Variants in PCDH9 observed in about 807,000 individuals in gnomAD.
PCDH9 encodes the protein protocadherin-9.
A neutral mutation model predicts 70.6 loss-of-function variants in PCDH9; 24 were observed. That is an observed-to-expected ratio of 0.34 (90% CI 0.25 to 0.48). The LOEUF (loss-of-function observed/expected upper bound fraction) is 0.48. PCDH9 is among the 20% of genes least tolerant of loss of function. The pLI is 0.99. For missense variants in PCDH9, 1,281 were observed against 1,503.6 expected (o/e 0.85, Z 2.45); for synonymous variants, 562 against 558.5 (o/e 1.01, Z -0.09).
intron 2 of PCDH9, among the ~76,000 whole-genome samples, chr13:67,181,129 C>T (rs780864813): frequency 1.3e-5 from 2 of 152,112 alleles, no homozygotes; most frequent in Non-Finnish European, 2.9e-5. Flanking sequence ...CTATAAAAGG[C>T]ATTAACATAA....
At chr13:67,094,211 C>A (rs568366985) in intron 2 of PCDH9, among the ~76,000 whole-genome samples, 27 of 152,254 alleles carry the variant, frequency 1.8e-4, no homozygotes, top group African/African-American at 6.5e-4. Flanking sequence ...GAATTCAAAT[C>A]ATGAATTAGT....
At chr13:66,497,645 A>C (rs1252551819) in intron 4 of PCDH9, among the ~76,000 whole-genome samples, 2 of 152,060 alleles carry the variant, frequency 1.3e-5, no homozygotes, top group Non-Finnish European at 2.9e-5. Flanking sequence ...TTTGAGACCA[A>C]AAGATATTAG....
intron 4 of PCDH9, among the ~76,000 whole-genome samples, chr13:66,388,462 C>A (rs2138261705): frequency 6.6e-6 from 1 of 152,206 alleles, no homozygotes; most frequent in Admixed American, 6.5e-5. Context: ...GAAGCCTCCT[C>A]AAACACTTCA....
intron 2 of PCDH9, chr13:66,996,340 G>C (rs925464625): frequency 1.3e-5 from 2 of 151,846 alleles, no homozygotes; most frequent in African/African-American, 4.8e-5. Context: ...TGACATGTTA[G>C]AACATTAGTG....
chr13:66,967,153 A>C (rs910751347), intron 2 of PCDH9, among the ~76,000 whole-genome samples: 1 of 152,038 alleles, frequency 6.6e-6, no homozygotes, highest in African/African-American at 2.4e-5. Context: ...ATTCCAAGTT[A>C]TGTTAGAGAA....
intron 3 of PCDH9, among the ~76,000 whole-genome samples, chr13:66,649,497 T>C (rs968661482): frequency 1.3e-5 from 2 of 151,964 alleles, no homozygotes; most frequent in African/African-American, 4.8e-5. Flanking sequence ...AATAAAGAGT[T>C]TCCCAGAAAA....
intron 2 of PCDH9, among the ~76,000 whole-genome samples, chr13:66,939,306 T>G (rs1438498840): frequency 1.3e-5 from 2 of 152,152 alleles, no homozygotes; most frequent in East Asian, 1.9e-4. Flanking sequence ...GAAAGATTAG[T>G]TTTCTGAACT....
chr13:67,199,317 T>A lies in PCDH9; in HGVS notation c.3036+26088A>T, dbSNP rs551013008. On this transcript the variant is annotated intron_variant, in intron 2 of 4. Transcript: ENST00000377865. ...AAGATAAACTAAATTAGTTTTTTTT[T>A]ATAAAAATATGCTGTTTAAAGGTTA... Among the ~76,000 whole-genome samples, 131 of 151,918 alleles carry A rather than the reference T, an allele frequency of 8.6e-4. 1 individual carries two copies. Among genetic ancestry groups the A allele is most frequent in the African/African-American group, 2.3e-3 (96 of 41,522 alleles).
chr13:66,724,140 A>G (rs562199931), intron 3 of PCDH9, among the ~76,000 whole-genome samples: 2 of 152,204 alleles, frequency 1.3e-5, no homozygotes, highest in Non-Finnish European at 2.9e-5. Context: ...TTCTTTCCAA[A>G]TGACCTTGAC....
At chr13:66,546,249 T>C (rs1961193709) in intron 4 of PCDH9, among the ~76,000 whole-genome samples, 1 of 151,808 alleles carries the variant, frequency 6.6e-6, no homozygotes, top group South Asian at 2.1e-4. Flanking sequence ...GGCATTGTTA[T>C]CATAGGAGAT....
chr13:67,125,443 TAAAAA>T (rs1197120478), intron 2 of PCDH9, among the ~76,000 whole-genome samples: 2 of 152,080 alleles, frequency 1.3e-5, no homozygotes, highest in Non-Finnish European at 2.9e-5. Flanking sequence ...TAAGAGGAAA[TAAAAA>T]GACAGCAGGA....
chr13:66,791,511 C>T (rs553180476), intron 3 of PCDH9, among the ~76,000 whole-genome samples: 2 of 151,892 alleles, frequency 1.3e-5, no homozygotes, highest in African/African-American at 4.8e-5. Flanking sequence ...GCAGTTTTTG[C>T]CATTACTTTC....
chr13:66,459,334 G>A (rs1056424601), intron 4 of PCDH9, among the ~76,000 whole-genome samples: 6 of 151,978 alleles, frequency 3.9e-5, no homozygotes, highest in Admixed American at 2.6e-4. Flanking sequence ...TAATGCAGAG[G>A]AATGTAGCAT....
At chr13:66,875,448 C>T (rs925590891) in intron 3 of PCDH9, among the ~76,000 whole-genome samples, 5 of 152,170 alleles carry the variant, frequency 3.3e-5, no homozygotes, top group African/African-American at 9.7e-5. Flanking sequence ...AACATCAACA[C>T]GTGTGGATTC....
At chr13:67,133,493 T>C (rs1403409557) in intron 2 of PCDH9, among the ~76,000 whole-genome samples, 1 of 152,128 alleles carries the variant, frequency 6.6e-6, no homozygotes, top group East Asian at 1.9e-4. Flanking sequence ...GATTACATAA[T>C]ATAGGATGCT....
chr13:66,828,032 T>C (rs755196278), intron 3 of PCDH9, among the ~76,000 whole-genome samples: 8 of 152,182 alleles, frequency 5.3e-5, no homozygotes, highest in Non-Finnish European at 1.0e-4. Flanking sequence ...TTTCTTTACA[T>C]ATAAAATGAC....
chr13:66,478,958 A>G (rs1457800033), intron 4 of PCDH9, among the ~76,000 whole-genome samples: 1 of 152,234 alleles, frequency 6.6e-6, no homozygotes, highest in Non-Finnish European at 1.5e-5. Context: ...GTTAGAAAGG[A>G]GAAGTCAATG....
At chr13:67,020,089 GTATCAAGTTACATTA>G (rs1419814022) in intron 2 of PCDH9, among the ~76,000 whole-genome samples, 2 of 152,084 alleles carry the variant, frequency 1.3e-5, no homozygotes, top group African/African-American at 2.4e-5. Flanking sequence ...GAATGAGCAT[GTATCAAGTTACATTA>G]TATTTTTCTT....
chr13:66,834,507 C>A (rs1019910155), intron 3 of PCDH9, among the ~76,000 whole-genome samples: 7 of 152,220 alleles, frequency 4.6e-5, no homozygotes, highest in African/African-American at 7.2e-5. Flanking sequence ...CCCAAAATTA[C>A]TATTTATAGA....
Sources: gnomAD v4.1 joint callset for allele counts (sites outside exome capture counted in the v4.1 genomes callset) on GRCh38, gnomAD v4.1.1 for gene constraint, MANE v1.5 for transcripts, NCBI Gene and HGNC (gene_info 2026-07-23, HGNC 2026-07-21) for gene names.